The following SGCZ variants were observed in gnomAD, a reference collection of about 807,000 sequenced individuals.
The protein encoded by SGCZ is sarcoglycan zeta.
A neutral mutation model predicts 41.3 loss-of-function variants in SGCZ; 40 were observed. The ratio of observed to expected loss-of-function variants is 0.97; its 90% CI spans 0.75 to 1.26. The LOEUF (loss-of-function observed/expected upper bound fraction) is 1.26, where lower values mean the gene tolerates loss of function less well. SGCZ is among the 50% of genes most tolerant of loss of function. The probability of loss-of-function intolerance (pLI) is 0.00; values close to 1 mark genes in which losing one functional copy is unlikely to be tolerated. For synonymous variants in SGCZ, 206 were observed against 137.5 expected (o/e 1.50, Z -3.49); for missense variants, 552 against 369.8 (o/e 1.49, Z -4.04).
At chr8:14,555,850 T>A (rs904162607) in intron 1 of SGCZ, among the ~76,000 whole-genome samples, 4 of 152,094 alleles carry the variant, frequency 2.6e-5, no homozygotes, top group African/African-American at 7.2e-5. Context: ...ACAATAGCTA[T>A]CAAATTAAGT....
At chr8:14,202,310 T>C (rs1383153820) in intron 4 of SGCZ, among the ~76,000 whole-genome samples, 1 of 152,160 alleles carries the variant, frequency 6.6e-6, no homozygotes, top group African/African-American at 2.4e-5. Flanking sequence ...CCACAATTCT[T>C]AGAGTGGAAC....
chr8:14,313,877 G>T (rs904200762), intron 3 of SGCZ, among the ~76,000 whole-genome samples: 2 of 150,774 alleles, frequency 1.3e-5, no homozygotes, highest in Admixed American at 6.6e-5. Context: ...TCTTTCTTGG[G>T]GAAAGACAAA....
At chr8:14,153,604 C>T (rs948308973) in intron 5 of SGCZ, among the ~76,000 whole-genome samples, 3 of 152,112 alleles carry the variant, frequency 2.0e-5, no homozygotes, top group African/African-American at 7.2e-5. Context: ...GCCTGTGTTT[C>T]AGCCACAGGC....
At chr8:14,831,685 T>C (rs1035409825) in intron 1 of SGCZ, among the ~76,000 whole-genome samples, 1 of 151,974 alleles carries the variant, frequency 6.6e-6, no homozygotes, top group East Asian at 1.9e-4. Context: ...AGTATACAAT[T>C]ATACTAAAAC....
At chr8:15,027,628 A>C (rs980172329) in intron 1 of SGCZ, among the ~76,000 whole-genome samples, 2 of 152,062 alleles carry the variant, frequency 1.3e-5, no homozygotes, top group African/African-American at 4.8e-5. Context: ...TAATCTGAAG[A>C]TATTGCAAGA....
Position 14,542,209 on chromosome 8 carries a change from G to A in SGCZ, c.234+12523C>T, listed in dbSNP as rs574655165. On this transcript the variant is annotated intron_variant, in intron 2 of 7. Coordinates refer to ENST00000382080, the MANE Select transcript of SGCZ (RefSeq NM_139167.4). Reference sequence around the variant, plus strand: ...TTTTAGTCATGAAGTCTTTGTCCATGCCTGTTTCCTGAATGGTATTGCCTA... The same window carrying A: ...TTTTAGTCATGAAGTCTTTGTCCATACCTGTTTCCTGAATGGTATTGCCTA... Among the ~76,000 whole-genome samples the A allele has an allele frequency of 3.3e-5, 5 of 152,084 alleles. No individual in the cohort carries two copies. In the South Asian group the frequency reaches 1.0e-3, roughly 32 times the overall value.
intron 2 of SGCZ, among the ~76,000 whole-genome samples, chr8:14,511,621 C>G (rs1444852340): frequency 6.6e-6 from 1 of 151,830 alleles, no homozygotes; most frequent in East Asian, 1.9e-4. Context: ...CACAAAGTAG[C>G]TAGAATACAA....
At chr8:15,093,080 C>A (rs1205834420) in intron 1 of SGCZ, among the ~76,000 whole-genome samples, 1 of 152,144 alleles carries the variant, frequency 6.6e-6, no homozygotes, top group South Asian at 2.1e-4. Context: ...CAAAGTTGGA[C>A]CCTGGCCCTC....
chr8:14,892,224 A>T (rs1831657616), intron 1 of SGCZ, among the ~76,000 whole-genome samples: 1 of 152,148 alleles, frequency 6.6e-6, no homozygotes, highest in South Asian at 2.1e-4. Context: ...ATTACCAAAC[A>T]CGCCCTAGGC....
At chr8:14,965,809 A>C (rs1356298539) in intron 1 of SGCZ, among the ~76,000 whole-genome samples, 2 of 152,170 alleles carry the variant, frequency 1.3e-5, no homozygotes, top group Non-Finnish European at 2.9e-5. Flanking sequence ...TAGTAAGTAC[A>C]TATCTTTCAA....
intron 1 of SGCZ, among the ~76,000 whole-genome samples, chr8:15,109,189 G>A (rs1349980970): frequency 6.6e-6 from 1 of 152,158 alleles, no homozygotes; most frequent in African/African-American, 2.4e-5. Flanking sequence ...TCATTCTGCA[G>A]AAACCACAGC....
intron 2 of SGCZ, among the ~76,000 whole-genome samples, chr8:14,553,161 T>C (rs963932631): frequency 6.6e-6 from 1 of 151,988 alleles, no homozygotes; most frequent in Non-Finnish European, 1.5e-5. Context: ...CAGACAGTAG[T>C]CAGAGAAGGC....
At chr8:14,132,660 G>A (rs912428415) in intron 5 of SGCZ, among the ~76,000 whole-genome samples, 2 of 152,028 alleles carry the variant, frequency 1.3e-5, no homozygotes, top group Non-Finnish European at 2.9e-5. Context: ...ATTAAATCCA[G>A]TGTCTGAATT....
At chr8:14,604,956 T>C (rs1046784744) in intron 1 of SGCZ, among the ~76,000 whole-genome samples, 23 of 152,202 alleles carry the variant, frequency 1.5e-4, no homozygotes, top group Non-Finnish European at 2.4e-4. Context: ...ATTTGCAACA[T>C]GGAAATATTA....
chr8:14,727,144 A>G (rs2130216337), intron 1 of SGCZ, among the ~76,000 whole-genome samples: 1 of 152,290 alleles, frequency 6.6e-6, no homozygotes, highest in South Asian at 2.1e-4. Flanking sequence ...TAATATAAGT[A>G]AATTTATAAT....
At chr8:14,421,594 G>C (rs1332736092) in intron 2 of SGCZ, among the ~76,000 whole-genome samples, 2 of 152,024 alleles carry the variant, frequency 1.3e-5, no homozygotes, top group African/African-American at 4.8e-5. Flanking sequence ...GGAATGCTGA[G>C]AAAAATATGA....
chr8:15,128,765 A>C (rs911661585), intron 1 of SGCZ, among the ~76,000 whole-genome samples: 1 of 152,212 alleles, frequency 6.6e-6, no homozygotes, highest in African/African-American at 2.4e-5. Context: ...CAGATCCTTC[A>C]AATTTCCATT....
intron 4 of SGCZ, among the ~76,000 whole-genome samples, chr8:14,218,348 A>C (rs531375741): frequency 1.4e-4 from 22 of 152,340 alleles, no homozygotes; most frequent in Non-Finnish European, 3.1e-4. Flanking sequence ...AAATAAGAAA[A>C]ACTCTAGGAA....
At chr8:14,714,677 G>T (rs1649170057) in intron 1 of SGCZ, among the ~76,000 whole-genome samples, 1 of 151,428 alleles carries the variant, frequency 6.6e-6, no homozygotes, top group South Asian at 2.1e-4. Context: ...AGAGAAAACT[G>T]ATCAAAAGAT....
Sources: gnomAD v4.1 joint callset for allele counts (sites outside exome capture counted in the v4.1 genomes callset) on GRCh38, gnomAD v4.1.1 for gene constraint, MANE v1.5 for transcripts, NCBI Gene and HGNC (gene_info 2026-07-23, HGNC 2026-07-21) for gene names.